Variants in TUSC3 observed in about 807,000 individuals in gnomAD.
The protein encoded by TUSC3 is dolichyl-diphosphooligosaccharide--protein glycosyltransferase subunit TUSC3.
A neutral mutation model predicts 44.8 loss-of-function variants in TUSC3; 45 were observed. The ratio of observed to expected loss-of-function variants is 1.00; its 90% CI spans 0.79 to 1.29. TUSC3 has a LOEUF of 1.29. Ranked by LOEUF, TUSC3 falls within the 50% of genes most tolerant of loss-of-function variation. The pLI is 0.00. For missense variants in TUSC3, 519 were observed against 437.9 expected, an observed-to-expected ratio of 1.19 and a Z score of -1.65; for synonymous variants, 212 against 152.9, an observed-to-expected ratio of 1.39 and a Z score of -2.85.
chr8:15,562,153 T>C lies in TUSC3; in HGVS notation c.138+21585T>C, dbSNP rs117586946. Among the ~76,000 whole-genome samples the C allele has an allele frequency of 2.6e-5, 4 of 152,322 alleles. No individual in the cohort carries two copies. The East Asian group carries it at 7.7e-4, about 29-fold the overall frequency. On this transcript the variant is annotated intron_variant, in intron 1 of 10. Transcript: ENST00000503731. ...TGGAGATAAGAACTTCCCGGCATTT[T>C]CTTATAACCTAGTTGGGGTATCACT...
At chr8:15,821,642 C>G in the TUSC3 span, among the ~76,000 whole-genome samples, 1 of 151,614 alleles carries the variant, frequency 6.6e-6, no homozygotes, top group African/African-American at 2.4e-5. Context: ...TGACTAAAAC[C>G]TCTCATTGAG....
the TUSC3 span, among the ~76,000 whole-genome samples, chr8:15,778,113 A>T: frequency 9.7e-6 from 1 of 103,098 alleles, no homozygotes; most frequent in East Asian, 3.3e-4. Context: ...AAAAAAAAAC[A>T]AAAAACCAAA....
chr8:15,776,588 T>G, the TUSC3 span, among the ~76,000 whole-genome samples: 4 of 152,164 alleles, frequency 2.6e-5, no homozygotes, highest in African/African-American at 9.7e-5. Context: ...ATTTAATTTT[T>G]AAGTTTTAAA....
At chr8:15,423,975 T>TTTTGTTTTG (rs1563247167) in intron 1 of TUSC3, among the ~76,000 whole-genome samples, 1 of 19,990 alleles carries the variant, frequency 5.0e-5, no homozygotes, top group African/African-American at 2.2e-4. Flanking sequence ...CTTTGTTTTT[T>TTTTGTTTTG]TTTTTTTTTT....
chr8:15,756,070 C>T (rs1811916093), intron 9 of TUSC3, among the ~76,000 whole-genome samples: 1 of 152,044 alleles, frequency 6.6e-6, no homozygotes, highest in African/African-American at 2.4e-5. Flanking sequence ...TTAGGGAGGT[C>T]GTATGATATA....
intron 1 of TUSC3, among the ~76,000 whole-genome samples, chr8:15,557,834 T>G (rs1372159215): frequency 1.6e-5 from 2 of 128,162 alleles, no homozygotes; most frequent in Non-Finnish European, 3.4e-5. Flanking sequence ...AGAATGCTTG[T>G]GATTTTTGTA....
At chr8:15,548,477 AGT>A (rs913108556) in intron 1 of TUSC3, among the ~76,000 whole-genome samples, 62 of 151,750 alleles carry the variant, frequency 4.1e-4, no homozygotes, top group African/African-American at 1.4e-3. Flanking sequence ...CTGTCTTTGG[AGT>A]GTGTGTATGA....
intron 1 of TUSC3, among the ~76,000 whole-genome samples, chr8:15,611,215 C>T (rs1331305482): frequency 2.0e-5 from 3 of 152,152 alleles, no homozygotes; most frequent in Non-Finnish European, 4.4e-5. Flanking sequence ...GAGACAGAGT[C>T]TTGCCCTGTC....
intron 10 of TUSC3, among the ~76,000 whole-genome samples, chr8:15,758,501 C>G (rs1812029163): frequency 6.6e-6 from 1 of 151,902 alleles, no homozygotes; most frequent in African/African-American, 2.4e-5. Context: ...CCCCTCAAGA[C>G]CAGAGAACAC....
At chr8:15,767,890 G>C (rs1010977838), downstream of TUSC3, among the ~76,000 whole-genome samples, 2 of 152,152 alleles carry the variant, frequency 1.3e-5, no homozygotes, top group Admixed American at 6.6e-5. Context: ...AAGCTGGATA[G>C]TGAAATACTT....
chr8:15,594,688 G>A (rs1376379944), intron 1 of TUSC3, among the ~76,000 whole-genome samples: 3 of 152,148 alleles, frequency 2.0e-5, no homozygotes, highest in African/African-American at 7.2e-5. Flanking sequence ...TGGCTGGTGG[G>A]AACAGGCACT....
At chr8:15,827,908 G>C in the TUSC3 span, among the ~76,000 whole-genome samples, 1 of 152,016 alleles carries the variant, frequency 6.6e-6, no homozygotes, top group African/African-American at 2.4e-5. Flanking sequence ...GGGGCCAGAG[G>C]TGAACTGTTA....
intron 6 of TUSC3, among the ~76,000 whole-genome samples, chr8:15,690,814 G>A (rs1310583966): frequency 6.6e-6 from 1 of 151,774 alleles, no homozygotes; most frequent in Non-Finnish European, 1.5e-5. Flanking sequence ...AGTTGTAGGT[G>A]TGCAGCATTA....
At chr8:15,799,661 C>T in the TUSC3 span, among the ~76,000 whole-genome samples, 2 of 152,170 alleles carry the variant, frequency 1.3e-5, no homozygotes, top group Non-Finnish European at 2.9e-5. Context: ...TTTCTCAAAT[C>T]TTGTCCATCA....
At chr8:15,646,486 A>C (rs1806637370) in intron 2 of TUSC3, among the ~76,000 whole-genome samples, 1 of 152,232 alleles carries the variant, frequency 6.6e-6, no homozygotes, top group Non-Finnish European at 1.5e-5. Flanking sequence ...CAGAGTTTGA[A>C]GGCAAATTGA....
chr8:15,667,066 A>AT (rs1807693608), intron 5 of TUSC3, among the ~76,000 whole-genome samples: 1 of 151,578 alleles, frequency 6.6e-6, no homozygotes. Context: ...TAAAGTCACA[A>AT]TTGAATAAGA....
chr8:15,471,775 G>A (rs530640076), intron 1 of TUSC3, among the ~76,000 whole-genome samples: 19 of 152,038 alleles, frequency 1.2e-4, no homozygotes, highest in African/African-American at 4.1e-4. Context: ...TCACCAACAC[G>A]TCCAGCTAAT....
chr8:15,658,427 T>G (rs146989145), intron 3 of TUSC3, among the ~76,000 whole-genome samples: 1 of 152,124 alleles, frequency 6.6e-6, no homozygotes, highest in East Asian at 1.9e-4. Context: ...TTTGTTGTTA[T>G]GGGCAGCTAA....
At chr8:15,812,115 C>T in the TUSC3 span, among the ~76,000 whole-genome samples, 5 of 152,172 alleles carry the variant, frequency 3.3e-5, no homozygotes, top group African/African-American at 4.8e-5. Context: ...TTAGATGAGA[C>T]GTTTTAATTG....
Sources: allele counts gnomAD v4.1 joint callset (sites outside exome capture counted in the v4.1 genomes callset), GRCh38; gene constraint gnomAD v4.1.1; transcripts MANE v1.5; gene names NCBI Gene and HGNC (gene_info 2026-07-23, HGNC 2026-07-21).